The following DEFB1 variants were observed in gnomAD, a reference collection of about 807,000 sequenced individuals.
The protein encoded by DEFB1 is beta-defensin 1.
A neutral mutation model predicts 2.6 loss-of-function variants in DEFB1; 4 were observed. The ratio of observed to expected loss-of-function variants is 1.53; its 90% CI spans 0.76 to 3.51. DEFB1 has a LOEUF of 3.51. Ranked by LOEUF, DEFB1 falls within the 30% of genes most tolerant of loss-of-function variation. DEFB1 has a pLI of 0.01. For synonymous variants in DEFB1, 56 were observed against 28.5 expected (o/e 1.96, Z -3.07); for missense variants, 162 against 76.9 (o/e 2.11, Z -4.14).
intron 1 of DEFB1, among the ~76,000 whole-genome samples, chr8:6,873,878 G>A (rs1806418170): frequency 6.6e-6 from 1 of 152,184 alleles, no homozygotes; most frequent in Non-Finnish European, 1.5e-5. Context: ...CTGGAATATT[G>A]AGGTTCCTTC....
intron 1 of DEFB1, among the ~76,000 whole-genome samples, chr8:6,877,323 A>G (rs1363364864): frequency 6.6e-6 from 1 of 152,196 alleles, no homozygotes; most frequent in Non-Finnish European, 1.5e-5. Context: ...GCCTGCCTGC[A>G]CAGGAGGTGA....
intron 1 of DEFB1, among the ~76,000 whole-genome samples, chr8:6,875,598 AAAT>A (rs1271742963): frequency 6.6e-6 from 1 of 152,234 alleles, no homozygotes; most frequent in Non-Finnish European, 1.5e-5. Context: ...TAAAATTTAA[AAAT>A]AATTGATGTT....
chr8:6,875,507 T>C (rs1458511678), intron 1 of DEFB1, among the ~76,000 whole-genome samples: 1 of 152,198 alleles, frequency 6.6e-6, no homozygotes. Flanking sequence ...TGTAACTATG[T>C]ATAAAAGGGC....
In DEFB1 at chr8:6,870,802, C is replaced by G; in HGVS notation, c.86G>C (p.Gly29Ala). 2 of 1,613,620 alleles carry G rather than the reference C, an allele frequency of 1.2e-6. No homozygotes were observed. Among genetic ancestry groups the G allele is most frequent in the Non-Finnish European group, 1.7e-6 (2 of 1,179,822 alleles). The change falls in exon 2 of 2, where the codon GGC (glycine) becomes GCC (alanine). Residue 29 changes from glycine to alanine, a missense_variant. Coordinates refer to ENST00000297439, the MANE Select transcript of DEFB1 (RefSeq NM_005218.4). ...GCAATTGTAATGATCAGATCTGTGG[C>G]CAAGGCCTGTGAGAAAGTTACCACC... ...ASGGNFLTGL[G>A]HRSDHYNCVS...
At chr8:6,876,224 C>A (rs1355519097) in intron 1 of DEFB1, among the ~76,000 whole-genome samples, 1 of 152,150 alleles carries the variant, frequency 6.6e-6, no homozygotes, top group African/African-American at 2.4e-5. Flanking sequence ...TGGCTGTAAT[C>A]CCAGCACTTT....
intron 1 of DEFB1, among the ~76,000 whole-genome samples, chr8:6,877,156 G>T (rs1178051564): frequency 6.6e-6 from 1 of 152,154 alleles, no homozygotes; most frequent in Non-Finnish European, 1.5e-5. Context: ...ACATGTTCCC[G>T]ATTCCTCCTG....
At chr8:6,877,036 C>G (rs538020582) in intron 1 of DEFB1, among the ~76,000 whole-genome samples, 22 of 152,300 alleles carry the variant, frequency 1.4e-4, no homozygotes, top group African/African-American at 5.1e-4. Context: ...ACTTTCTGAA[C>G]TGGAGTGCTT....
intron 1 of DEFB1, among the ~76,000 whole-genome samples, chr8:6,877,255 C>G (rs888920904): frequency 6.6e-6 from 1 of 152,240 alleles, no homozygotes; most frequent in Non-Finnish European, 1.5e-5. Flanking sequence ...CTCCTATTGA[C>G]TGGGGAGACT....
intron 1 of DEFB1, among the ~76,000 whole-genome samples, chr8:6,872,969 A>C (rs1431362784): frequency 6.6e-6 from 1 of 152,220 alleles, no homozygotes; most frequent in African/African-American, 2.4e-5. Flanking sequence ...GTTATTAGAG[A>C]GATCAACTGA....
intron 1 of DEFB1, among the ~76,000 whole-genome samples, chr8:6,871,660 TG>T (rs2117207916): frequency 6.6e-6 from 1 of 152,238 alleles, no homozygotes; most frequent in East Asian, 1.9e-4. Flanking sequence ...ACACGGTCAT[TG>T]GGGTGTGCTC....
At position 6,874,924 on chromosome 8, in the gene DEFB1, G is replaced by A. The variant is rs56134370; in HGVS notation, c.61+2873C>T. ...TTGAACCTGGGAGGGAGGGGTTGCG[G>A]TTAGCCAAGATTGTGCCACTGCACT... On this transcript the variant is annotated intron_variant, in intron 1 of 1. Transcript: ENST00000297439. Among the ~76,000 whole-genome samples the A allele has an allele frequency of 2.6e-5, 4 of 152,006 alleles. No individual in the cohort carries two copies. In the South Asian group the frequency reaches 6.3e-4, roughly 24 times the overall value.
At chr8:6,872,696 A>C (rs752997024) in intron 1 of DEFB1, among the ~76,000 whole-genome samples, 2 of 152,234 alleles carry the variant, frequency 1.3e-5, no homozygotes, top group Non-Finnish European at 2.9e-5. Context: ...ATTTGTTCAT[A>C]CAAAACACAG....
chr8:6,871,523 C>G (rs1265514917), intron 1 of DEFB1, among the ~76,000 whole-genome samples: 1 of 152,166 alleles, frequency 6.6e-6, no homozygotes, highest in East Asian at 1.9e-4. Context: ...TTGCAAGTCT[C>G]CACTGGTAGG....
At chr8:6,871,419 AAATAGAGACAGTACTCTGG>A (rs1806306086) in intron 1 of DEFB1, among the ~76,000 whole-genome samples, 1 of 152,080 alleles carries the variant, frequency 6.6e-6, no homozygotes, top group South Asian at 2.1e-4. Flanking sequence ...CAGATCTGAT[AAATAGAGACAGTACTCTGG>A]AATAGCCTTC....
At chr8:6,874,053 A>C (rs1433329433) in intron 1 of DEFB1, among the ~76,000 whole-genome samples, 1 of 151,834 alleles carries the variant, frequency 6.6e-6, no homozygotes, top group African/African-American at 2.4e-5. Flanking sequence ...AATGCTTCTG[A>C]AGGTTTTTGT....
Position 6,870,637 on chromosome 8 carries a change from A to T in DEFB1, c.*44T>A. The T allele has an allele frequency of 6.3e-7, 1 of 1,587,886 alleles. No homozygotes were observed. Among genetic ancestry groups the T allele is most frequent in the Non-Finnish European group, 8.5e-7 (1 of 1,169,774 alleles). ...CCTTTATTAAAAGAATGCTTATAAA[A>T]AGTTCATTTCACTTCTGCGTCATTT... On this transcript the variant is annotated 3_prime_UTR_variant, in exon 2 of 2. Transcript: ENST00000297439.
At chr8:6,872,433 G>A (rs1027552046) in intron 1 of DEFB1, among the ~76,000 whole-genome samples, 10 of 151,960 alleles carry the variant, frequency 6.6e-5, no homozygotes, top group South Asian at 2.1e-4. Context: ...ACTGCAGAAC[G>A]TTTTATTCAA....
At chr8:6,875,091 C>T (rs1020612811) in intron 1 of DEFB1, among the ~76,000 whole-genome samples, 1 of 151,706 alleles carries the variant, frequency 6.6e-6, no homozygotes, top group Non-Finnish European at 1.5e-5. Context: ...CACACACACA[C>T]ACACACACAC....
At chr8:6,874,118 T>TACACACAC (rs756827017) in intron 1 of DEFB1, among the ~76,000 whole-genome samples, 248 of 120,304 alleles carry the variant, frequency 2.1e-3, no homozygotes, top group African/African-American at 7.9e-3. Context: ...ATATCTGACA[T>TACACACAC]ACACACACAC....
Sources: allele counts gnomAD v4.1 joint callset (sites outside exome capture counted in the v4.1 genomes callset), GRCh38; gene constraint gnomAD v4.1.1; transcripts MANE v1.5; gene names NCBI Gene and HGNC (gene_info 2026-07-23, HGNC 2026-07-21).